The following PHF14 variants were observed in gnomAD, a reference collection of about 807,000 sequenced individuals.
The protein encoded by PHF14 is PHD finger protein 14.
Under a neutral mutation model 117.9 loss-of-function variants are expected in PHF14, and 55 were observed. That is an observed-to-expected ratio of 0.47 (90% CI 0.38 to 0.58). The LOEUF (loss-of-function observed/expected upper bound fraction) is 0.58. Among genes scored for constraint, PHF14 ranks in the 20% least tolerant of loss-of-function variants. PHF14 has a pLI of 0.00. For missense variants in PHF14, 978 were observed against 1,122.2 expected, an observed-to-expected ratio of 0.87 and a Z score of 1.84; for synonymous variants, 409 against 368.6, an observed-to-expected ratio of 1.11 and a Z score of -1.26.
intron 4 of PHF14, among the ~76,000 whole-genome samples, chr7:11,011,565 G>C (rs1359164166): frequency 1.3e-5 from 2 of 152,152 alleles, no homozygotes; most frequent in African/African-American, 2.4e-5. Context: ...AAAGGATGTT[G>C]GGATGGTTGC....
At chr7:11,103,895 A>G (rs1318368319) in intron 16 of PHF14, 2 of 981,532 alleles carry the variant, frequency 2.0e-6, no homozygotes, top group East Asian at 1.1e-4. Flanking sequence ...AATATTCATA[A>G]TCTTTAGCAA....
chr7:11,036,471 A>G lies in PHF14; in HGVS notation c.1656A>G (p.Arg552=). 1 of 1,613,814 alleles carries G rather than the reference A, an allele frequency of 6.2e-7. No individual in the cohort carries two copies. Among genetic ancestry groups the G allele is most frequent in the Non-Finnish European group, 8.5e-7 (1 of 1,179,720 alleles). The part of the protein sequence containing the change: ...QQYRAKAELA[R]STRPQAWVPR... ...ATCGTGCCAAAGCAGAACTAGCTCGATCTACCAGACCCCAGGCCTGGGTTC... is the reference window on the plus strand; with the variant it reads ...ATCGTGCCAAAGCAGAACTAGCTCGGTCTACCAGACCCCAGGCCTGGGTTC... The change falls in exon 9 of 18, where the codon CGA becomes CGG. Residue 552 remains arginine (R), a synonymous_variant. Transcript: ENST00000634607.
At chr7:11,007,150 G>A (rs889341905) in intron 4 of PHF14, among the ~76,000 whole-genome samples, 1 of 151,800 alleles carries the variant, frequency 6.6e-6, no homozygotes, top group African/African-American at 2.4e-5. Context: ...CCGAGATCGC[G>A]CCATTGCACT....
At chr7:11,003,426 C>T (rs75764265) in intron 4 of PHF14, among the ~76,000 whole-genome samples, 1,869 of 152,080 alleles carry the variant, frequency 0.012, 28 homozygotes, top group African/African-American at 0.043. Flanking sequence ...CAGTGTTTAC[C>T]GTTTGTCTTC....
intron 17 of PHF14, among the ~76,000 whole-genome samples, chr7:11,123,418 A>C (rs1009181061): frequency 6.6e-6 from 1 of 152,038 alleles, no homozygotes; most frequent in Non-Finnish European, 1.5e-5. Context: ...CTTCAAATTA[A>C]ATATTCTGAA....
chr7:11,008,119 A>T (rs1483226764), intron 4 of PHF14, among the ~76,000 whole-genome samples: 1 of 152,238 alleles, frequency 6.6e-6, no homozygotes, highest in African/African-American at 2.4e-5. Context: ...TAGGTAGTGT[A>T]CTTACCAGCA....
chr7:11,107,750 A>G (rs1583471624), intron 16 of PHF14: 3 of 854,398 alleles, frequency 3.5e-6, no homozygotes, highest in Middle Eastern at 6.0e-4. Flanking sequence ...ATATCCCTAT[A>G]CTTTTGTGGG....
At chr7:11,136,943 A>G (rs1562482097) in intron 17 of PHF14, among the ~76,000 whole-genome samples, 1 of 152,228 alleles carries the variant, frequency 6.6e-6, no homozygotes, top group Non-Finnish European at 1.5e-5. Context: ...ATATGTAAAG[A>G]TAAAAAATAT....
chr7:10,977,286 C>G (rs2128306981), intron 2 of PHF14, among the ~76,000 whole-genome samples: 1 of 152,184 alleles, frequency 6.6e-6, no homozygotes, highest in South Asian at 2.1e-4. Context: ...TTCAAAACAA[C>G]TTCTAGAAAT....
chr7:11,095,407 A>G (rs1455185043), intron 16 of PHF14, among the ~76,000 whole-genome samples: 4 of 152,278 alleles, frequency 2.6e-5, no homozygotes, highest in African/African-American at 9.6e-5. Flanking sequence ...GCTTCTCAAA[A>G]AATAATTTGC....
At chr7:11,069,203 C>T (rs944766616) in intron 16 of PHF14, among the ~76,000 whole-genome samples, 1 of 152,082 alleles carries the variant, frequency 6.6e-6, no homozygotes, top group Non-Finnish European at 1.5e-5. Context: ...TGCAGATACA[C>T]CCCCAACCCC....
intron 16 of PHF14, among the ~76,000 whole-genome samples, chr7:11,069,146 A>G (rs1468665962): frequency 7.9e-5 from 12 of 152,132 alleles, no homozygotes; most frequent in Non-Finnish European, 5.9e-5. Flanking sequence ...CCTGAGTATT[A>G]CATTGTTTCC....
chr7:11,161,752 A>ATTATATTTTATTTAAATAAAAATT (rs1789039025), intron 17 of PHF14, among the ~76,000 whole-genome samples: 2 of 147,992 alleles, frequency 1.4e-5, no homozygotes, highest in East Asian at 1.9e-4. Flanking sequence ...AAATAAAAAT[A>ATTATATTTTATTTAAATAAAAATT]TTTAGATTTT....
chr7:11,099,209 G>A (rs1786996801), intron 16 of PHF14, among the ~76,000 whole-genome samples: 1 of 152,064 alleles, frequency 6.6e-6, no homozygotes, highest in Admixed American at 6.6e-5. Context: ...TAGACACATG[G>A]AATGGCTAAC....
intron 17 of PHF14, among the ~76,000 whole-genome samples, chr7:11,154,854 A>C (rs1235995643): frequency 6.6e-6 from 1 of 152,190 alleles, no homozygotes; most frequent in East Asian, 1.9e-4. Flanking sequence ...CTTGCTGTCT[A>C]TGAATAATAC....
intron 13 of PHF14, among the ~76,000 whole-genome samples, chr7:11,050,799 A>T (rs957400713): frequency 1.3e-5 from 2 of 152,170 alleles, no homozygotes; most frequent in Non-Finnish European, 2.9e-5. Context: ...AAATAAATGT[A>T]TATTTCTTCT....
chr7:11,002,720 A>T (rs777187014), intron 4 of PHF14, among the ~76,000 whole-genome samples: 1 of 151,706 alleles, frequency 6.6e-6, no homozygotes, highest in African/African-American at 2.4e-5. Flanking sequence ...CTGGGATTAC[A>T]GACGTGAGCC....
chr7:10,990,302 G>C (rs1275388763), intron 3 of PHF14, among the ~76,000 whole-genome samples: 2 of 152,142 alleles, frequency 1.3e-5, no homozygotes, highest in Non-Finnish European at 1.5e-5. Flanking sequence ...TAAGAATCAT[G>C]TCTTGTGCTT....
At chr7:11,007,036 G>A (rs531134962) in intron 4 of PHF14, among the ~76,000 whole-genome samples, 1 of 151,748 alleles carries the variant, frequency 6.6e-6, no homozygotes, top group Non-Finnish European at 1.5e-5. Context: ...AATTTGCCAG[G>A]TGTGGTAGTG....
Sources: gnomAD v4.1 joint callset for allele counts (sites outside exome capture counted in the v4.1 genomes callset) on GRCh38, gnomAD v4.1.1 for gene constraint, MANE v1.5 for transcripts, NCBI Gene and HGNC (gene_info 2026-07-23, HGNC 2026-07-21) for gene names.